Variants in TSPEAR observed in about 807,000 individuals in gnomAD.
TSPEAR encodes the protein thrombospondin type laminin G domain and EAR repeats, also known as thrombospondin-type laminin G domain and EAR repeat-containing protein.
A neutral mutation model predicts 71.6 loss-of-function variants in TSPEAR; 69 were observed. The observed-to-expected ratio is 0.96, with a 90% CI of 0.79 to 1.18. TSPEAR has a LOEUF of 1.18. Ranked by LOEUF, TSPEAR falls within the 50% of genes most tolerant of loss-of-function variation. The probability of loss-of-function intolerance (pLI) is 0.00; values close to 1 mark genes in which losing one functional copy is unlikely to be tolerated. For missense variants in TSPEAR, 971 were observed against 894.9 expected, an observed-to-expected ratio of 1.09 and a Z score of -1.09; for synonymous variants, 402 against 387.2, an observed-to-expected ratio of 1.04 and a Z score of -0.45.
intron 1 of TSPEAR, among the ~76,000 whole-genome samples, chr21:44,607,794 G>A (rs1403182511): frequency 6.6e-6 from 1 of 152,090 alleles, no homozygotes; most frequent in Admixed American, 6.6e-5. Context: ...CTGCAAAACA[G>A]TTTGGCAGTG....
chr21:44,521,401 G>A (rs1450409591), intron 9 of TSPEAR, among the ~76,000 whole-genome samples: 1 of 152,196 alleles, frequency 6.6e-6, no homozygotes, highest in Non-Finnish European at 1.5e-5. Context: ...ACCAGCCAAG[G>A]GACACTTGAG....
At chr21:44,575,092 A>G (rs1311984975) in intron 1 of TSPEAR, 1 of 1,362,408 alleles carries the variant, frequency 7.3e-7, no homozygotes, top group Non-Finnish European at 1.0e-6. Flanking sequence ...CGCGTCCTGA[A>G]TTGCTCCTGC....
chr21:44,650,250 G>A (rs1304360512), intron 1 of TSPEAR, among the ~76,000 whole-genome samples: 1 of 152,118 alleles, frequency 6.6e-6, no homozygotes, highest in African/African-American at 2.4e-5. Flanking sequence ...TATGTTGGAT[G>A]CTGATCCCTC....
In TSPEAR at chr21:44,652,050, C is replaced by T. The variant is rs956636679; in HGVS notation, c.82+59383G>A. ...CCAGGCTGGAGTGCAGTGGCGCGAT[C>T]TCGGCTCACTGCAAGGTCCGCCTCC... On this transcript the variant is annotated intron_variant, in intron 1 of 11. Coordinates refer to ENST00000323084, the MANE Select transcript of TSPEAR (RefSeq NM_144991.3). Among the ~76,000 whole-genome samples the T allele has an allele frequency of 2.8e-5, 4 of 143,938 alleles. No individual in the cohort carries two copies. The East Asian group carries it at 8.4e-4, about 30-fold the overall frequency. The allele number at this position is 143,938 out of a possible 152,430, so 94.4% of individuals were successfully genotyped here. A position where few individuals can be genotyped will look rare whatever the true frequency, so the allele number is the denominator to read the frequency against.
chr21:44,676,827 C>T (rs782198410), intron 1 of TSPEAR: 16 of 951,874 alleles, frequency 1.7e-5, no homozygotes, highest in Admixed American at 1.0e-4. Context: ...TTTCTTCCAG[C>T]GTTTGTTTCT....
chr21:44,592,154 C>G, intron 1 of TSPEAR: 6 of 1,564,208 alleles, frequency 3.8e-6, no homozygotes, highest in Non-Finnish European at 5.2e-6. Context: ...CAGACGGGCA[C>G]GCAGCAGGCC....
chr21:44,503,540 G>A (rs1232246226), intron 11 of TSPEAR, among the ~76,000 whole-genome samples: 1 of 132,620 alleles, frequency 7.5e-6, no homozygotes, highest in Non-Finnish European at 1.6e-5. Context: ...GCCGGCCTTG[G>A]TGAGCCCACA....
At chr21:44,696,065 C>G (rs1385780281) in intron 1 of TSPEAR, among the ~76,000 whole-genome samples, 6 of 152,218 alleles carry the variant, frequency 3.9e-5, no homozygotes, top group African/African-American at 1.4e-4. Flanking sequence ...CTTTCAACCT[C>G]CTAGAACAAC....
At chr21:44,664,151 C>G (rs1395422573) in intron 1 of TSPEAR, among the ~76,000 whole-genome samples, 1 of 152,094 alleles carries the variant, frequency 6.6e-6, no homozygotes, top group African/African-American at 2.4e-5. Flanking sequence ...ATAACACAGT[C>G]TCTATTAACA....
intron 9 of TSPEAR, chr21:44,518,211 A>C (rs587753150): frequency 4.7e-6 from 2 of 424,780 alleles, no homozygotes; most frequent in Non-Finnish European, 9.5e-6. Context: ...CTGTTTCTAG[A>C]GCTAGCTCAG....
chr21:44,518,178 G>A, intron 9 of TSPEAR: 1 of 386,504 alleles, frequency 2.6e-6, no homozygotes, highest in South Asian at 2.0e-5. Flanking sequence ...CTGAAGACAA[G>A]TATAACTTAA....
At chr21:44,682,064 G>T (rs782290200) in intron 1 of TSPEAR, 1 of 1,613,936 alleles carries the variant, frequency 6.2e-7, no homozygotes, top group African/African-American at 1.3e-5. Context: ...AGGATGCCTG[G>T]CAGGGGCTGG....
At chr21:44,676,262 T>C (rs1194427165) in intron 1 of TSPEAR, 1 of 1,277,272 alleles carries the variant, frequency 7.8e-7, no homozygotes, top group Non-Finnish European at 1.1e-6. Flanking sequence ...GTCTCTTCAC[T>C]GTACACCCCA....
intron 1 of TSPEAR, among the ~76,000 whole-genome samples, chr21:44,707,395 G>A (rs1987987586): frequency 6.6e-6 from 1 of 152,220 alleles, no homozygotes; most frequent in South Asian, 2.1e-4. Flanking sequence ...CGGGGCGCAG[G>A]GAGGGGCAGA....
intron 1 of TSPEAR, chr21:44,654,463 C>T: frequency 6.2e-7 from 1 of 1,613,992 alleles, no homozygotes; most frequent in Non-Finnish European, 8.5e-7. Flanking sequence ...GGTGGATACC[C>T]CACACAGGGG....
chr21:44,654,228 T>C, intron 1 of TSPEAR: 1 of 1,477,004 alleles, frequency 6.8e-7, no homozygotes, highest in Non-Finnish European at 9.4e-7. Flanking sequence ...TCAGAGAGCC[T>C]GCTGGCTTCT....
At chr21:44,591,899 A>G (rs782429888) in intron 1 of TSPEAR, 1 of 1,603,880 alleles carries the variant, frequency 6.2e-7, no homozygotes, top group East Asian at 2.3e-5. Context: ...CCTGATTGGC[A>G]GGGGCTGGGC....
chr21:44,612,124 G>A lies in TSPEAR; in HGVS notation c.83-44119C>T. On this transcript the variant is annotated intron_variant, in intron 1 of 11. Transcript: ENST00000323084. The surrounding 1 kb of genome is among the most constrained non-coding windows in gnomAD (Gnocchi z 4.1). ...CCATGGCTGACGCCTGCTGCACCAG[G>A]ACGTATGTGATTGCTGCATCCACCA... 1 of 1,614,038 alleles carries A rather than the reference G, an allele frequency of 6.2e-7. No homozygotes were observed. The highest frequency in any genetic ancestry group is 8.5e-7 in the Non-Finnish European group (1 of 1,179,984).
chr21:44,583,555 G>A (rs933407336), intron 1 of TSPEAR, among the ~76,000 whole-genome samples: 5 of 152,160 alleles, frequency 3.3e-5, no homozygotes, highest in African/African-American at 1.2e-4. Flanking sequence ...TTTTAAAGAA[G>A]GAGTGAGTTT....
Sources: gnomAD v4.1 joint callset for allele counts (sites outside exome capture counted in the v4.1 genomes callset) on GRCh38, gnomAD v4.1.1 for gene constraint, Gnocchi (gnomAD v3.1) non-coding constraint, MANE v1.5 for transcripts, NCBI Gene and HGNC (gene_info 2026-07-23, HGNC 2026-07-21) for gene names.